Variants in MYO1E observed in about 807,000 individuals in gnomAD.
MYO1E encodes unconventional myosin-Ie.
In MYO1E, 68 loss-of-function variants were observed where a neutral mutation model predicts 151.1. The observed-to-expected ratio is 0.45, with a 90% CI of 0.37 to 0.55. MYO1E has a LOEUF of 0.55. Ranked by LOEUF, MYO1E falls within the 20% of genes least tolerant of loss-of-function variation. MYO1E has a pLI of 0.00. For missense variants in MYO1E, 1,363 were observed against 1,389.3 expected, an observed-to-expected ratio of 0.98 and a Z score of 0.30; for synonymous variants, 601 against 501.7, an observed-to-expected ratio of 1.20 and a Z score of -2.64.
chr15:59,270,966 A>G (rs1336652798), intron 2 of MYO1E: 2 of 152,226 alleles, frequency 1.3e-5, no homozygotes, highest in Non-Finnish European at 2.9e-5. Flanking sequence ...ATTATAATGT[A>G]GCCAATAAAT....
intron 1 of MYO1E, among the ~76,000 whole-genome samples, chr15:59,329,370 C>T (rs548257008): frequency 6.6e-6 from 1 of 152,170 alleles, no homozygotes; most frequent in Non-Finnish European, 1.5e-5. Flanking sequence ...AAAGTGGTGT[C>T]GAGCTGGGGC....
intron 1 of MYO1E, among the ~76,000 whole-genome samples, chr15:59,340,281 G>C (rs1374099422): frequency 6.6e-6 from 1 of 152,112 alleles, no homozygotes; most frequent in African/African-American, 2.4e-5. Flanking sequence ...CTGAACTCCA[G>C]CCAGGATGAC....
chr15:59,214,534 G>C lies in MYO1E; in HGVS notation c.1188+106C>G, dbSNP rs74532487. On this transcript the variant is annotated intron_variant, in intron 11 of 27. Coordinates refer to ENST00000288235, the MANE Select transcript of MYO1E (RefSeq NM_004998.4). ...CCTGAGTTGTTTTTTTTGTTGTTGT[G>C]GTTTGTTTTCTGTTTTTTTGTTTTT... 8,383 of 1,158,948 alleles carry C rather than the reference G, an allele frequency of 7.2e-3. 393 individuals carry two copies. In the African/African-American group the frequency reaches 0.11, roughly 15 times the overall value. 71.8% of individuals were successfully genotyped at this position (1,158,948 alleles called of 1,614,324 possible).
chr15:59,151,436 CAA>C lies in MYO1E; in HGVS notation c.3080+2152_3080+2153del, dbSNP rs1263320845. ...AGAACAAGACTCCATCTCAAACAAA[CAA>C]AAAACCCCCCCCAAAAAAACCAACT... On this transcript the variant is annotated intron_variant, in intron 26 of 27. Transcript: ENST00000288235. 7.5e-3 allele frequency among the ~76,000 whole-genome samples: 1,135 copies of C among 151,528 alleles called. 12 individuals carry two copies. The highest frequency in any genetic ancestry group is 0.026 in the African/African-American group (1,052 of 41,176).
chr15:59,175,294 GA>G (rs1225478694), intron 19 of MYO1E, among the ~76,000 whole-genome samples: 1 of 152,016 alleles, frequency 6.6e-6, no homozygotes, highest in Non-Finnish European at 1.5e-5. Flanking sequence ...GACTCTCTAG[GA>G]AAAAAATAAA....
At chr15:59,172,850 A>G (rs1209505242) in intron 21 of MYO1E, among the ~76,000 whole-genome samples, 1 of 152,254 alleles carries the variant, frequency 6.6e-6, no homozygotes, top group Non-Finnish European at 1.5e-5. Context: ...CCGCTGCGAG[A>G]GCTAAGCACC....
chr15:59,214,061 T>C (rs2079898337), intron 12 of MYO1E, among the ~76,000 whole-genome samples, 167 bp downstream of exon 12: 2 of 152,226 alleles, frequency 1.3e-5, no homozygotes, highest in South Asian at 2.1e-4. Context: ...TTATATTTCA[T>C]AGATTAAAAT....
At chr15:59,164,106 C>T (rs751498040) in intron 22 of MYO1E, among the ~76,000 whole-genome samples, 7 of 152,160 alleles carry the variant, frequency 4.6e-5, no homozygotes, top group African/African-American at 1.2e-4. Context: ...TCCGAGGAAA[C>T]GCTTGCTGGT....
chr15:59,141,865 G>A (rs1489768268), intron 26 of MYO1E, among the ~76,000 whole-genome samples: 3 of 150,124 alleles, frequency 2.0e-5, no homozygotes, highest in Admixed American at 6.7e-5. Flanking sequence ...CCCAGCACTT[G>A]GGGAGGCCGA....
chr15:59,174,312 T>C lies in MYO1E; in HGVS notation c.2050-72A>G, dbSNP rs564125134. 1,252 of 1,083,258 alleles carry C rather than the reference T, an allele frequency of 1.2e-3. 2 individuals carry two copies. The highest frequency in any genetic ancestry group is 1.7e-3 in the Non-Finnish European group (1,179 of 700,802). The allele number at this position is 1,083,258 out of a possible 1,614,324, so 67.1% of individuals were successfully genotyped here. On this transcript the variant is annotated intron_variant, in intron 19 of 27. Transcript: ENST00000288235. ...TCCCTGAACAACACTTTTCTTGTTA[T>C]TCCAGGGACCCTCAGTTTAGACAAT...
Position 59,134,393 on chromosome 15 carries a change from G to C in MYO1E, c.*2987C>G, listed in dbSNP as rs929365500. The C allele has an allele frequency of 1.1e-4, 16 of 152,222 alleles. No individual in the cohort carries two copies. The highest frequency in any genetic ancestry group is 5.9e-5 in the Non-Finnish European group (4 of 68,066). 9.4% of individuals were successfully genotyped at this position (152,222 alleles called of 1,614,324 possible). A position where few individuals can be genotyped will look rare whatever the true frequency, so the allele number is the denominator to read the frequency against. ...TGTGGAAGAGACGGCCCTTTTGCATGTCTTTAAGCCAGTTGGCCAGGTACG... is the reference window on the plus strand; with the variant it reads ...TGTGGAAGAGACGGCCCTTTTGCATCTCTTTAAGCCAGTTGGCCAGGTACG... On this transcript the variant is annotated 3_prime_UTR_variant, in exon 28 of 28. Coordinates refer to ENST00000288235, the MANE Select transcript of MYO1E (RefSeq NM_004998.4).
chr15:59,157,066 T>C, intron 25 of MYO1E, among the ~76,000 whole-genome samples: 1 of 139,338 alleles, frequency 7.2e-6, no homozygotes, highest in Non-Finnish European at 1.6e-5. Flanking sequence ...CTACAAAGAG[T>C]AAAAAAAAAA....
chr15:59,176,809 G>A (rs1157319912), intron 19 of MYO1E, among the ~76,000 whole-genome samples: 1 of 152,098 alleles, frequency 6.6e-6, no homozygotes, highest in Non-Finnish European at 1.5e-5. Flanking sequence ...GGCTAGATGG[G>A]GATGTATGCG....
intron 3 of MYO1E, among the ~76,000 whole-genome samples, chr15:59,260,837 A>G (rs2080220347): frequency 6.6e-6 from 1 of 152,132 alleles, no homozygotes. Context: ...GAAGATCCCT[A>G]AGCTGTAGGT....
Position 59,138,146 on chromosome 15 carries a change from G to T in MYO1E, c.3250+52C>A, listed in dbSNP as rs1271055427. The T allele has an allele frequency of 6.3e-6, 10 of 1,591,306 alleles. No homozygotes were observed. The East Asian group carries it at 2.2e-4, about 36-fold the overall frequency. On this transcript the variant is annotated intron_variant, in intron 27 of 27. Coordinates refer to ENST00000288235, the MANE Select transcript of MYO1E (RefSeq NM_004998.4). ...TTTTCACACTAGATCTTACAGCAAT[G>T]TGACTGCATGCTCTTTGGGAGGCTG...
At chr15:59,180,976 CTT>C (rs1392543116) in intron 18 of MYO1E, among the ~76,000 whole-genome samples, 13 of 152,170 alleles carry the variant, frequency 8.5e-5, no homozygotes, top group Admixed American at 2.6e-4. Context: ...GTTCCCTGCT[CTT>C]GTTATCTCTT....
intron 25 of MYO1E, among the ~76,000 whole-genome samples, chr15:59,155,410 T>C (rs956233858): frequency 6.6e-6 from 1 of 152,240 alleles, no homozygotes; most frequent in African/African-American, 2.4e-5. Context: ...GGAAATTTTT[T>C]AAAACCCCCT....
At chr15:59,224,648 T>A (rs371368875) in intron 8 of MYO1E, 41 bp downstream of exon 8, 1 of 1,613,682 alleles carries the variant, frequency 6.2e-7, no homozygotes, top group Non-Finnish European at 8.5e-7. Flanking sequence ...AAATGGCCAG[T>A]TGGGAGAGCA....
intron 1 of MYO1E, among the ~76,000 whole-genome samples, chr15:59,324,008 G>T (rs1263721614): frequency 6.6e-6 from 1 of 151,924 alleles, no homozygotes; most frequent in African/African-American, 2.4e-5. Context: ...CGGAATCCTC[G>T]AGAGAGCTGA....
Sources: allele counts gnomAD v4.1 joint callset (sites outside exome capture counted in the v4.1 genomes callset), GRCh38; gene constraint gnomAD v4.1.1; transcripts MANE v1.5; gene names NCBI Gene and HGNC (gene_info 2026-07-23, HGNC 2026-07-21).